ARHGAP28: variants seen among roughly 807,000 people sequenced by gnomAD.
The protein encoded by ARHGAP28 is rho GTPase-activating protein 28.
In ARHGAP28, 56 loss-of-function variants were observed where a neutral mutation model predicts 90.7. The observed-to-expected ratio is 0.62, with a 90% CI of 0.50 to 0.77. The LOEUF is 0.77. ARHGAP28 is among the 30% of genes least tolerant of loss of function. The pLI is 0.00. For synonymous variants in ARHGAP28, 308 were observed against 323.3 expected (o/e 0.95, Z 0.51); for missense variants, 869 against 900.9 (o/e 0.96, Z 0.45).
At chr18:6,897,194 A>T (rs2057310970) in intron 16 of ARHGAP28, 1 of 152,314 alleles carries the variant, frequency 6.6e-6, no homozygotes, top group East Asian at 1.9e-4. Flanking sequence ...GATTACAGGC[A>T]TGAGCCACTG....
At chr18:6,879,129 A>C (rs1315566020) in intron 10 of ARHGAP28, among the ~76,000 whole-genome samples, 1 of 152,164 alleles carries the variant, frequency 6.6e-6, no homozygotes, top group Non-Finnish European at 1.5e-5. Context: ...CAAGTCCCAG[A>C]CTTGAGGCCT....
intron 3 of ARHGAP28, among the ~76,000 whole-genome samples, chr18:6,848,794 A>T (rs1476862405): frequency 6.6e-6 from 1 of 152,170 alleles, no homozygotes; most frequent in East Asian, 1.9e-4. Context: ...TCAAAGTACC[A>T]GAAGGATCTC....
intron 17 of ARHGAP28, 107 bp from the exon 18 acceptor site, chr18:6,911,953 C>A: frequency 1.8e-6 from 1 of 571,078 alleles, no homozygotes; most frequent in Non-Finnish European, 2.8e-6. Flanking sequence ...GCCAAGAAAA[C>A]TATATTAACC....
Position 6,805,479 on chromosome 18 carries a change from C to CTTTTT in ARHGAP28, c.123-19264_123-19260dup, listed in dbSNP as rs756550297. 3.3e-4 allele frequency among the ~76,000 whole-genome samples: 32 copies of CTTTTT among 97,562 alleles called. 1 individual carries two copies. Among genetic ancestry groups the CTTTTT allele is most frequent in the African/African-American group, 4.4e-4 (10 of 22,750 alleles). 64.0% of individuals were successfully genotyped at this position (97,562 alleles called of 152,430 possible). ...TTTAATCTGGTCTGATAACCTTTGCCTTTTTTTTTTTTTTTTTTTTTTTGA... is the reference window on the plus strand; with the variant it reads ...TTTAATCTGGTCTGATAACCTTTGCCTTTTTTTTTTTTTTTTTTTTTTTTTTTTGA... On this transcript the variant is annotated intron_variant, in intron 1 of 17. Transcript: ENST00000383472.
intron 1 of ARHGAP28, among the ~76,000 whole-genome samples, chr18:6,756,800 A>G (rs1438769739): frequency 3.3e-5 from 5 of 152,172 alleles, no homozygotes. Flanking sequence ...CCAAAAGCCA[A>G]AGAACTTGGA....
At chr18:6,882,366 GATGCTGAATCA>G (rs1298875205) in intron 11 of ARHGAP28, 67 bp downstream of exon 11, 1 of 1,467,076 alleles carries the variant, frequency 6.8e-7, no homozygotes, top group African/African-American at 1.4e-5. Flanking sequence ...GCAGAAGAGA[GATGCTGAATCA>G]AATGTGCTCA....
intron 1 of ARHGAP28, among the ~76,000 whole-genome samples, chr18:6,809,475 C>A (rs1327314614): frequency 6.6e-6 from 1 of 152,060 alleles, no homozygotes; most frequent in African/African-American, 2.4e-5. Flanking sequence ...TTAACCAGCC[C>A]ATGGTTCTGT....
intron 1 of ARHGAP28, among the ~76,000 whole-genome samples, chr18:6,780,840 C>T (rs536531752): frequency 1.3e-4 from 19 of 149,780 alleles, no homozygotes; most frequent in South Asian, 6.3e-4. Flanking sequence ...TGCAGTGAGC[C>T]GAGATCACGC....
At chr18:6,774,121 A>T (rs977300925) in intron 1 of ARHGAP28, 2 of 152,196 alleles carry the variant, frequency 1.3e-5, no homozygotes, top group Non-Finnish European at 2.9e-5. Context: ...GGGGTGCTGA[A>T]TGTGGGCTGG....
At chr18:6,827,182 T>C (rs902776353) in intron 2 of ARHGAP28, among the ~76,000 whole-genome samples, 17 of 152,332 alleles carry the variant, frequency 1.1e-4, no homozygotes, top group South Asian at 2.1e-4. Context: ...CATCATGGCC[T>C]GTTCTCAATG....
chr18:6,841,199 CTCTCCTCTCCTCTCT>C (rs2056819855), intron 3 of ARHGAP28, among the ~76,000 whole-genome samples: 1 of 62,288 alleles, frequency 1.6e-5, no homozygotes, highest in African/African-American at 8.9e-5. Flanking sequence ...CTCTCTCTCT[CTCTCCTCTCCTCTCT>C]CTCTCTCTCC....
intron 14 of ARHGAP28, among the ~76,000 whole-genome samples, chr18:6,894,535 A>G (rs945499972): frequency 1.6e-4 from 24 of 152,194 alleles, no homozygotes; most frequent in African/African-American, 5.6e-4. Flanking sequence ...GTGCTATTCC[A>G]TAGACACACA....
chr18:6,819,744 G>A (rs1166263945), intron 1 of ARHGAP28, among the ~76,000 whole-genome samples: 1 of 152,166 alleles, frequency 6.6e-6, no homozygotes, highest in Admixed American at 6.5e-5. Flanking sequence ...GTAGTCCCAT[G>A]GTGTTTATCT....
At chr18:6,769,261 C>T (rs62082792) in intron 1 of ARHGAP28, among the ~76,000 whole-genome samples, 20,275 of 151,732 alleles carry the variant, frequency 0.13, 1,483 homozygotes, top group Non-Finnish European at 0.16. Flanking sequence ...GGCTCCTGCT[C>T]CTCCCAGGTC....
At chr18:6,837,667 C>A (rs1450739639) in intron 3 of ARHGAP28, among the ~76,000 whole-genome samples, 1 of 152,110 alleles carries the variant, frequency 6.6e-6, no homozygotes, top group Non-Finnish European at 1.5e-5. Flanking sequence ...AGAGTGACTT[C>A]TTTGGCAGTG....
intron 4 of ARHGAP28, among the ~76,000 whole-genome samples, chr18:6,859,494 C>T (rs879654999): frequency 3.9e-5 from 6 of 152,154 alleles, no homozygotes; most frequent in South Asian, 2.1e-4. Flanking sequence ...CCCTCTTAAC[C>T]GCAAATGAGC....
chr18:6,873,623 G>T (rs374835410), intron 8 of ARHGAP28, 49 bp downstream of exon 8: 64 of 1,608,388 alleles, frequency 4.0e-5, no homozygotes, highest in Non-Finnish European at 5.4e-5. Flanking sequence ...TGACACAGTG[G>T]AATAAGATAA....
At chr18:6,764,642 T>C (rs1053283594) in intron 1 of ARHGAP28, among the ~76,000 whole-genome samples, 2 of 152,150 alleles carry the variant, frequency 1.3e-5, no homozygotes, top group African/African-American at 4.8e-5. Context: ...ATATGACCTG[T>C]GTGTTAGGCC....
At chr18:6,908,176 C>T (rs986869926) in intron 16 of ARHGAP28, among the ~76,000 whole-genome samples, 4 of 151,296 alleles carry the variant, frequency 2.6e-5, no homozygotes, top group African/African-American at 7.3e-5. Context: ...TTCACTCTGT[C>T]GCCCAGGCTG....
Sources: gnomAD v4.1 joint callset for allele counts (sites outside exome capture counted in the v4.1 genomes callset) on GRCh38, gnomAD v4.1.1 for gene constraint, MANE v1.5 for transcripts, NCBI Gene and HGNC (gene_info 2026-07-23, HGNC 2026-07-21) for gene names.